Variants in STX17 observed in about 807,000 individuals in gnomAD.
STX17 encodes the protein syntaxin-17.
STX17 carries 29 observed loss-of-function variants against 35.9 expected under a neutral mutation model. The observed-to-expected ratio is 0.81, with a 90% CI of 0.60 to 1.10. The LOEUF (loss-of-function observed/expected upper bound fraction) is 1.10. Ranked by LOEUF, STX17 falls within the 50% of genes least tolerant of loss-of-function variation. STX17 has a pLI of 0.00. For synonymous variants in STX17, 92 were observed against 118.3 expected, an observed-to-expected ratio of 0.78 and a Z score of 1.44; for missense variants, 312 against 352.3, an observed-to-expected ratio of 0.89 and a Z score of 0.92.
intron 2 of STX17, among the ~76,000 whole-genome samples, chr9:99,928,403 CT>C (rs1320062015): frequency 1.4e-4 from 22 of 151,788 alleles, no homozygotes; most frequent in African/African-American, 4.8e-4. Flanking sequence ...ACGTACAATT[CT>C]TCATATACAA....
chr9:99,926,216 C>T (rs1389546181), intron 2 of STX17, among the ~76,000 whole-genome samples: 1 of 151,636 alleles, frequency 6.6e-6, no homozygotes, highest in East Asian at 1.9e-4. Flanking sequence ...CTTATATTTT[C>T]TTCTACCTTC....
At chr9:99,965,379 C>T (rs1362686682) in intron 6 of STX17, among the ~76,000 whole-genome samples, 3 of 152,148 alleles carry the variant, frequency 2.0e-5, no homozygotes, top group African/African-American at 7.2e-5. Context: ...ATAGAAATGG[C>T]AATAATCCTG....
intron 1 of STX17, chr9:99,907,040 T>TCC: frequency 6.6e-6 from 1 of 152,344 alleles, no homozygotes; most frequent in South Asian, 2.1e-4. Flanking sequence ...GGCGTCTGGG[T>TCC]CCCGGGACAG....
At chr9:99,939,053 T>C (rs146887206) in intron 3 of STX17, among the ~76,000 whole-genome samples, 221 of 152,244 alleles carry the variant, frequency 1.5e-3, no homozygotes, top group Non-Finnish European at 2.5e-3. Flanking sequence ...AATTTGTAGA[T>C]GTGAGATGTG....
chr9:99,907,358 G>C (rs1828572750), intron 1 of STX17: 1 of 152,234 alleles, frequency 6.6e-6, no homozygotes, highest in African/African-American at 2.4e-5. Flanking sequence ...GGCGCCACTA[G>C]TATCCTGAAA....
chr9:99,936,220 G>T (rs552531009), intron 3 of STX17, among the ~76,000 whole-genome samples: 1 of 152,194 alleles, frequency 6.6e-6, no homozygotes, highest in South Asian at 2.1e-4. Flanking sequence ...CATTTATTGT[G>T]GGTAAATAGT....
chr9:99,956,991 C>A (rs1829721754), intron 4 of STX17, among the ~76,000 whole-genome samples: 2 of 152,152 alleles, frequency 1.3e-5, no homozygotes, highest in Non-Finnish European at 2.9e-5. Flanking sequence ...CTGCTTATAA[C>A]CCTTCAACAG....
intron 4 of STX17, among the ~76,000 whole-genome samples, chr9:99,952,690 C>A (rs1219756916): frequency 2.0e-5 from 3 of 152,066 alleles, no homozygotes; most frequent in Non-Finnish European, 4.4e-5. Flanking sequence ...CCATGGAATA[C>A]TATGCAGCCA....
At chr9:99,930,542 C>T (rs1829100513) in intron 3 of STX17, among the ~76,000 whole-genome samples, 1 of 152,210 alleles carries the variant, frequency 6.6e-6, no homozygotes, top group Non-Finnish European at 1.5e-5. Context: ...GCTGGGATTA[C>T]AGGCGTGAGC....
chr9:99,939,177 A>T (rs1213256215), intron 3 of STX17, among the ~76,000 whole-genome samples: 1 of 152,150 alleles, frequency 6.6e-6, no homozygotes, highest in Non-Finnish European at 1.5e-5. Context: ...GGGAATGAGG[A>T]GGAGAGTGGA....
At chr9:99,948,788 T>C (rs982647968) in intron 3 of STX17, among the ~76,000 whole-genome samples, 3 of 152,158 alleles carry the variant, frequency 2.0e-5, no homozygotes, top group African/African-American at 7.2e-5. Flanking sequence ...TTTTCCACAT[T>C]ACTCATAGTA....
rs1830000441 is a variant in STX17 at position 99,970,552 on chromosome 9, A to G, written c.*1879A>G. Among the ~76,000 whole-genome samples the G allele has an allele frequency of 6.6e-6, 1 of 152,126 alleles. No individual in the cohort carries two copies. Among genetic ancestry groups the G allele is most frequent in the African/African-American group, 2.4e-5 (1 of 41,424 alleles). ...ACAGGGTGATCAAACCTGAATGAGG[A>G]TCAGAACTCACCCAGGCACATACTA... On this transcript the variant is annotated 3_prime_UTR_variant, in exon 8 of 8. Coordinates refer to ENST00000259400, the MANE Select transcript of STX17 (RefSeq NM_017919.3).
Position 99,911,420 on chromosome 9 carries a change from G to A in STX17, c.-62-3758G>A, listed in dbSNP as rs917371578. Among the ~76,000 whole-genome samples, 5 of 152,054 alleles carry A rather than the reference G, an allele frequency of 3.3e-5. No individual in the cohort carries two copies. In the East Asian group the frequency reaches 9.6e-4, roughly 29 times the overall value. On this transcript the variant is annotated intron_variant, in intron 1 of 7. Coordinates refer to ENST00000259400, the MANE Select transcript of STX17 (RefSeq NM_017919.3). ...CAGTCATCCATTGACAGACACTTAG[G>A]TTGATTCCATATCTTGGCTATTGTG...
intron 3 of STX17, among the ~76,000 whole-genome samples, chr9:99,949,909 T>G (rs1829557539): frequency 6.7e-6 from 1 of 149,282 alleles, no homozygotes; most frequent in Middle Eastern, 3.2e-3. Flanking sequence ...AAAGATAGTA[T>G]AAATACACAA....
chr9:99,933,344 G>A (rs1445514076), intron 3 of STX17, among the ~76,000 whole-genome samples: 1 of 152,122 alleles, frequency 6.6e-6, no homozygotes, highest in Non-Finnish European at 1.5e-5. Flanking sequence ...GATAAAGCTT[G>A]ATATCTGATT....
intron 3 of STX17, among the ~76,000 whole-genome samples, chr9:99,937,053 T>A (rs981407188): frequency 2.0e-5 from 3 of 152,220 alleles, no homozygotes; most frequent in Non-Finnish European, 4.4e-5. Context: ...TACATTGACT[T>A]TTTTCTTTCA....
intron 3 of STX17, among the ~76,000 whole-genome samples, chr9:99,943,889 T>A (rs1440214107): frequency 6.6e-6 from 1 of 152,192 alleles, no homozygotes; most frequent in Non-Finnish European, 1.5e-5. Flanking sequence ...AAATATTTGG[T>A]AGAATTGGCC....
chr9:99,921,362 C>T (rs1828882834), intron 2 of STX17, among the ~76,000 whole-genome samples: 1 of 151,944 alleles, frequency 6.6e-6, no homozygotes, highest in Non-Finnish European at 1.5e-5. Context: ...TCAGATCACA[C>T]CTATTTCTTA....
chr9:99,926,584 G>T (rs950218805), intron 2 of STX17, among the ~76,000 whole-genome samples: 48 of 151,524 alleles, frequency 3.2e-4, no homozygotes, highest in African/African-American at 1.1e-3. Context: ...TGCAAGCTCT[G>T]CCTCCTAGGT....
Sources: allele counts gnomAD v4.1 joint callset (sites outside exome capture counted in the v4.1 genomes callset), GRCh38; gene constraint gnomAD v4.1.1; transcripts MANE v1.5; gene names NCBI Gene and HGNC (gene_info 2026-07-23, HGNC 2026-07-21).